The following EIF4G3 variants were observed in gnomAD, a reference collection of about 807,000 sequenced individuals.
The protein encoded by EIF4G3 is eukaryotic translation initiation factor 4 gamma 3.
Under a neutral mutation model 186.4 loss-of-function variants are expected in EIF4G3, and 34 were observed. The ratio of observed to expected loss-of-function variants is 0.18; its 90% confidence interval spans 0.14 to 0.24. The LOEUF is 0.24. Ranked by LOEUF, EIF4G3 falls within the 10% of genes least tolerant of loss-of-function variation. EIF4G3 has a pLI of 1.00. For missense variants in EIF4G3, 1,536 were observed against 1,948.5 expected (o/e 0.79, Z 3.99); for synonymous variants, 673 against 679.5 (o/e 0.99, Z 0.15).
At chr1:20,974,307 G>C (rs1157229804) in intron 10 of EIF4G3, among the ~76,000 whole-genome samples, 2 of 152,178 alleles carry the variant, frequency 1.3e-5, no homozygotes, top group Non-Finnish European at 2.9e-5. Context: ...GAAGCCCAGT[G>C]GTTAAATCTT....
At chr1:21,112,533 T>C (rs2102208684) in intron 2 of EIF4G3, among the ~76,000 whole-genome samples, 1 of 152,166 alleles carries the variant, frequency 6.6e-6, no homozygotes, top group Middle Eastern at 3.4e-3. Context: ...GAAAAAAAAA[T>C]CCTACAAACT....
At chr1:20,853,743 C>A (rs1355272602) in intron 26 of EIF4G3, 66 bp from the exon 27 acceptor site, 15 of 1,237,002 alleles carry the variant, frequency 1.2e-5, no homozygotes, top group Non-Finnish European at 1.8e-5. Flanking sequence ...AATCAGTCAT[C>A]TGCATCCCTA....
Position 20,894,452 on chromosome 1 carries a change from C to A in EIF4G3, c.2134-816G>T, listed in dbSNP as rs540653978. 3.9e-5 allele frequency among the ~76,000 whole-genome samples: 6 copies of A among 152,262 alleles called. No homozygotes were observed. In the South Asian group the frequency reaches 1.2e-3, roughly 32 times the overall value. ...ATACCACCAATAGAAGTAAGAAGAC[C>A]TGTTGCTATAAGAAAGTAAAATAGT... On this transcript the variant is annotated intron_variant, in intron 17 of 36. Coordinates refer to ENST00000602326, the MANE Select transcript of EIF4G3 (RefSeq NM_001391906.1).
At chr1:21,032,741 G>C (rs1181693141) in intron 4 of EIF4G3, among the ~76,000 whole-genome samples, 1 of 151,950 alleles carries the variant, frequency 6.6e-6, no homozygotes, top group African/African-American at 2.4e-5. Context: ...AATTTCTTCT[G>C]CCTACAATTC....
At chr1:20,952,322 A>AT (rs2096256437) in intron 12 of EIF4G3, among the ~76,000 whole-genome samples, 1 of 151,718 alleles carries the variant, frequency 6.6e-6, no homozygotes, top group South Asian at 2.1e-4. Flanking sequence ...ACCCAAACTA[A>AT]TTTTTTGTAT....
At chr1:20,917,360 A>G (rs553475384) in intron 14 of EIF4G3, among the ~76,000 whole-genome samples, 1 of 152,338 alleles carries the variant, frequency 6.6e-6, no homozygotes, top group African/African-American at 2.4e-5. Context: ...GCAAAAAATT[A>G]GCCAGACATT....
At position 20,813,351 on chromosome 1, in the gene EIF4G3, G is replaced by A. The variant is rs547516078; in HGVS notation, c.4516-112C>T. 52 of 615,274 alleles carry A rather than the reference G, an allele frequency of 8.5e-5. No homozygotes were observed. In the East Asian group the frequency reaches 1.5e-3, roughly 18 times the overall value. The allele number at this position is 615,274 out of a possible 1,614,324, so 38.1% of individuals were successfully genotyped here. The stretch of plus-strand genomic sequence containing the variant: ...GGCCGAGACAGGAGGATCACTTGAG[G>A]CTAGGAGTTGAGACCAGTCTGGGCA... On this transcript the variant is annotated intron_variant, in intron 34 of 36. Transcript: ENST00000602326.
Position 20,942,153 on chromosome 1 carries a change from G to A in EIF4G3, c.1001C>T (p.Thr334Ile). 6.2e-7 allele frequency: 1 copy of A among 1,614,142 alleles called. No homozygotes were observed. The highest frequency in any genetic ancestry group is 8.5e-7 in the Non-Finnish European group (1 of 1,180,010). ...AGCAGAAGAGGTGGGGGCTGCAATT[G>A]TACTTCGAGCAACAGAAGAAACAGT... ...PTTVSSVARS[T>I]IAAPTSSALS... The change falls in exon 14 of 37, where the codon ACA (threonine) becomes ATA (isoleucine). Residue 334 changes from threonine to isoleucine, a missense_variant. Physicochemically the swap from Thr to Ile is moderately conservative, Grantham distance 89. This residue lies in a region of EIF4G3 where 560 missense variants were observed against 547.8 expected (regional missense o/e 1.02). Transcript: ENST00000602326.
chr1:20,808,606 G>A (rs566648492), intron 36 of EIF4G3, among the ~76,000 whole-genome samples: 2 of 152,064 alleles, frequency 1.3e-5, no homozygotes, highest in East Asian at 1.9e-4. Flanking sequence ...GCGTGAACCC[G>A]GCAGGCGGAG....
intron 7 of EIF4G3, among the ~76,000 whole-genome samples, chr1:20,984,593 C>CTT (rs1158261981): frequency 8.3e-5 from 11 of 132,628 alleles, no homozygotes; most frequent in Admixed American, 1.5e-4. Context: ...CATATATACA[C>CTT]TTTTTTTTTT....
chr1:20,945,877 A>G (rs564491916), intron 13 of EIF4G3, among the ~76,000 whole-genome samples: 71 of 152,248 alleles, frequency 4.7e-4, no homozygotes, highest in Non-Finnish European at 7.3e-4. Flanking sequence ...TAGTACTAAC[A>G]TATGTGCATA....
intron 19 of EIF4G3, among the ~76,000 whole-genome samples, chr1:20,885,730 G>C (rs2083908627): frequency 6.6e-6 from 1 of 152,166 alleles, no homozygotes; most frequent in Non-Finnish European, 1.5e-5. Context: ...TATCCTCATA[G>C]TTCTGAGGGC....
At chr1:21,051,073 T>G (rs2094184811) in intron 3 of EIF4G3, 79 bp from the exon 4 acceptor site, 1 of 694,604 alleles carries the variant, frequency 1.4e-6, no homozygotes, top group South Asian at 1.6e-5. Context: ...TATCTGATTT[T>G]TAATTGGATT....
intron 2 of EIF4G3, among the ~76,000 whole-genome samples, chr1:21,173,887 AG>A (rs971513687): frequency 3.9e-5 from 6 of 152,234 alleles, no homozygotes; most frequent in African/African-American, 1.4e-4. Flanking sequence ...ATACTCCCTC[AG>A]GGTAGAAAAG....
chr1:21,136,887 G>C (rs2097255864), intron 2 of EIF4G3, among the ~76,000 whole-genome samples: 1 of 152,156 alleles, frequency 6.6e-6, no homozygotes, highest in Non-Finnish European at 1.5e-5. Flanking sequence ...AATCTGGCTA[G>C]TGCAAGACAA....
At chr1:20,855,285 A>G (rs2074548114) in intron 25 of EIF4G3, among the ~76,000 whole-genome samples, 1 of 152,106 alleles carries the variant, frequency 6.6e-6, no homozygotes. Context: ...GTTTCCACAA[A>G]AAACTGTTTG....
intron 30 of EIF4G3, among the ~76,000 whole-genome samples, chr1:20,831,540 CTT>C (rs560510994): frequency 1.2e-4 from 16 of 132,114 alleles, no homozygotes; most frequent in Non-Finnish European, 1.0e-4. Context: ...TTGCATTTTT[CTT>C]TTTTTTTTTT....
intron 34 of EIF4G3, among the ~76,000 whole-genome samples, chr1:20,816,921 T>A (rs2061141658): frequency 7.2e-6 from 1 of 139,268 alleles, no homozygotes; most frequent in Non-Finnish European, 1.6e-5. Context: ...TGCCTTGGGA[T>A]CCTGTTGATC....
intron 36 of EIF4G3, among the ~76,000 whole-genome samples, chr1:20,809,124 C>T (rs1039533231): frequency 2.6e-5 from 4 of 152,124 alleles, no homozygotes; most frequent in Admixed American, 1.3e-4. Context: ...CAGGCATGCG[C>T]CACCACGCCC....
Sources: gnomAD v4.1 joint callset for allele counts (sites outside exome capture counted in the v4.1 genomes callset) on GRCh38, gnomAD v4.1.1 for gene constraint, gnomAD v4.1.1 regional missense constraint, MANE v1.5 for transcripts, NCBI Gene and HGNC (gene_info 2026-07-23, HGNC 2026-07-21) for gene names.